Variants in STOX2 observed in about 807,000 individuals in gnomAD.
The protein encoded by STOX2 is storkhead box 2.
In STOX2, 28 loss-of-function variants were observed where a neutral mutation model predicts 60.9. The ratio of observed to expected loss-of-function variants is 0.46; its 90% CI spans 0.34 to 0.63. The LOEUF (loss-of-function observed/expected upper bound fraction) is 0.63, where lower values mean the gene tolerates loss of function less well. Ranked by LOEUF, STOX2 falls within the 30% of genes least tolerant of loss-of-function variation. The pLI, the probability that STOX2 is intolerant of heterozygous loss-of-function variation, is 0.01. For synonymous variants in STOX2, 472 were observed against 463.9 expected, an observed-to-expected ratio of 1.02 and a Z score of -0.22; for missense variants, 1,024 against 1,187.7, an observed-to-expected ratio of 0.86 and a Z score of 2.03.
chr4:183,929,218 C>G (rs1742339703), intron 1 of STOX2, among the ~76,000 whole-genome samples: 1 of 152,190 alleles, frequency 6.6e-6, no homozygotes, highest in South Asian at 2.1e-4. Context: ...TTCTTTTCTA[C>G]AGCATACAGG....
At chr4:183,815,593 T>A (rs1046582354) in intron 1 of STOX2, among the ~76,000 whole-genome samples, 47 of 152,234 alleles carry the variant, frequency 3.1e-4, no homozygotes, top group Non-Finnish European at 5.3e-4. Flanking sequence ...GAGAAAACTA[T>A]AATTGCAGAA....
chr4:183,860,616 A>G (rs1290823702), intron 1 of STOX2, among the ~76,000 whole-genome samples: 1 of 152,206 alleles, frequency 6.6e-6, no homozygotes, highest in Non-Finnish European at 1.5e-5. Context: ...TGATATGCTA[A>G]TTAGAAAGTA....
intron 1 of STOX2, among the ~76,000 whole-genome samples, chr4:183,932,001 G>A (rs1742438887): frequency 6.6e-6 from 1 of 152,164 alleles, no homozygotes; most frequent in Admixed American, 6.5e-5. Flanking sequence ...CCAGGCCTGG[G>A]AAGGAGACAG....
chr4:183,846,275 A>G (rs573263772), intron 1 of STOX2, among the ~76,000 whole-genome samples: 1 of 151,924 alleles, frequency 6.6e-6, no homozygotes, highest in Non-Finnish European at 1.5e-5. Flanking sequence ...CTTGTTTTGG[A>G]CTTGTGTGAA....
At chr4:183,802,772 C>CCAA (rs562069486) in intron 1 of STOX2, among the ~76,000 whole-genome samples, 94 of 152,200 alleles carry the variant, frequency 6.2e-4, no homozygotes, top group African/African-American at 2.2e-3. Flanking sequence ...CAGGCGCCTG[C>CCAA]CAACACACCT....
At chr4:183,920,746 T>C (rs1742077660) in intron 1 of STOX2, among the ~76,000 whole-genome samples, 1 of 152,042 alleles carries the variant, frequency 6.6e-6, no homozygotes, top group Non-Finnish European at 1.5e-5. Context: ...TTAGAGTGGG[T>C]TTCAAATGCC....
At chr4:183,938,932 T>C (rs1190987893) in intron 1 of STOX2, among the ~76,000 whole-genome samples, 1 of 152,174 alleles carries the variant, frequency 6.6e-6, no homozygotes, top group African/African-American at 2.4e-5. Context: ...ATAAAAAATT[T>C]GTAAAGTAAA....
intron 1 of STOX2, among the ~76,000 whole-genome samples, chr4:183,872,248 G>T (rs1740709975): frequency 6.6e-6 from 1 of 152,116 alleles, no homozygotes; most frequent in Admixed American, 6.6e-5. Context: ...TAGAGACGGG[G>T]TTTCACCATG....
chr4:183,970,743 G>A (rs1345652742), intron 1 of STOX2, among the ~76,000 whole-genome samples: 1 of 152,186 alleles, frequency 6.6e-6, no homozygotes, highest in Non-Finnish European at 1.5e-5. Context: ...CATTTGGGTC[G>A]AGTAAGAAAG....
intron 1 of STOX2, among the ~76,000 whole-genome samples, chr4:183,999,203 G>A (rs1290305299): frequency 2.6e-5 from 4 of 152,116 alleles, no homozygotes. Context: ...CCCAGCCCAC[G>A]TCATTCTATC....
At chr4:183,952,965 A>G (rs111237279) in intron 1 of STOX2, among the ~76,000 whole-genome samples, 23,840 of 151,928 alleles carry the variant, frequency 0.16, 2,420 homozygotes, top group Admixed American at 0.22. Context: ...ACATGTTCTC[A>G]CTCATAAGTG....
intron 1 of STOX2, among the ~76,000 whole-genome samples, chr4:183,964,461 C>T (rs1288509033): frequency 1.3e-5 from 2 of 152,070 alleles, no homozygotes; most frequent in African/African-American, 4.8e-5. Flanking sequence ...TATCTCAGTA[C>T]CTGTTTATCT....
In STOX2 at chr4:184,018,796, C is replaced by T. The variant is rs540266124; in HGVS notation, c.*1512C>T. ...GTTCCCATGTTTTATTTTCTGAGAA[C>T]AGTGGGACAGATCTGTAGTAATGGA... On this transcript the variant is annotated 3_prime_UTR_variant, in exon 4 of 4. Transcript: ENST00000308497. 2 of 152,298 alleles carry T rather than the reference C, an allele frequency of 1.3e-5. No individual in the cohort carries two copies. The highest frequency in any genetic ancestry group is 4.8e-5 in the African/African-American group (2 of 41,556). The allele number at this position is 152,298 out of a possible 1,614,324, so 9.4% of individuals were successfully genotyped here. A position where few individuals can be genotyped will look rare whatever the true frequency, so the allele number is the denominator to read the frequency against.
At chr4:183,893,888 A>G (rs1466180159) in intron 1 of STOX2, among the ~76,000 whole-genome samples, 1 of 152,232 alleles carries the variant, frequency 6.6e-6, no homozygotes, top group Non-Finnish European at 1.5e-5. Flanking sequence ...TTCTTACTTT[A>G]AAAAACATCC....
intron 1 of STOX2, among the ~76,000 whole-genome samples, chr4:183,882,293 G>A (rs989006261): frequency 1.3e-5 from 2 of 152,068 alleles, no homozygotes; most frequent in African/African-American, 2.4e-5. Flanking sequence ...CTGTTAATTG[G>A]CCCTTTACTC....
At chr4:183,953,337 G>A (rs191813482) in intron 1 of STOX2, among the ~76,000 whole-genome samples, 76 of 152,268 alleles carry the variant, frequency 5.0e-4, no homozygotes, top group Admixed American at 8.5e-4. Context: ...ATGAAGGCAA[G>A]GGTGGTATTG....
At chr4:183,902,844 A>G (rs755258127), upstream of STOX2, among the ~76,000 whole-genome samples, 25 of 152,316 alleles carry the variant, frequency 1.6e-4, no homozygotes, top group African/African-American at 3.1e-4. Context: ...AACTCAGCCT[A>G]TGTACCACCT....
chr4:183,880,070 C>G (rs1043830798), intron 1 of STOX2, among the ~76,000 whole-genome samples: 10 of 152,124 alleles, frequency 6.6e-5, no homozygotes, highest in African/African-American at 1.9e-4. Context: ...CCTCCGCTTC[C>G]CGGGTTCAAG....
intron 1 of STOX2, among the ~76,000 whole-genome samples, chr4:183,976,052 G>T (rs544104649): frequency 6.6e-6 from 1 of 152,166 alleles, no homozygotes; most frequent in Non-Finnish European, 1.5e-5. Context: ...GTGGCTCACA[G>T]CTGTAATCCC....
Sources: allele counts gnomAD v4.1 joint callset (sites outside exome capture counted in the v4.1 genomes callset), GRCh38; gene constraint gnomAD v4.1.1; transcripts MANE v1.5; gene names NCBI Gene and HGNC (gene_info 2026-07-23, HGNC 2026-07-21).